Variants in PFKL observed in about 807,000 individuals in gnomAD.
PFKL encodes ATP-dependent 6-phosphofructokinase, liver type.
In PFKL, 74 loss-of-function variants were observed where a neutral mutation model predicts 92.1. The ratio of observed to expected loss-of-function variants is 0.80; its 90% CI spans 0.67 to 0.97. The LOEUF (loss-of-function observed/expected upper bound fraction) is 0.97, where lower values mean the gene tolerates loss of function less well. Among genes scored for constraint, PFKL ranks in the 50% least tolerant of loss-of-function variants. The pLI is 0.00. For missense variants in PFKL, 1,028 were observed against 1,116.6 expected, an observed-to-expected ratio of 0.92 and a Z score of 1.13; for synonymous variants, 494 against 456.4, an observed-to-expected ratio of 1.08 and a Z score of -1.05.
At chr21:44,304,668 G>A (rs1337809035) in intron 1 of PFKL, among the ~76,000 whole-genome samples, 1 of 148,486 alleles carries the variant, frequency 6.7e-6, no homozygotes, top group African/African-American at 2.5e-5. Context: ...GTTGTCGGGT[G>A]CTTGGGGTGG....
chr21:44,319,515 C>T (rs2047304725), intron 11 of PFKL, 100 bp downstream of exon 11: 1 of 1,008,922 alleles, frequency 9.9e-7, no homozygotes, highest in Admixed American at 1.8e-5. Context: ...CCTGGGTCAT[C>T]CTTCTAGGCA....
At chr21:44,308,559 AT>A (rs532812261) in intron 2 of PFKL, among the ~76,000 whole-genome samples, 1,785 of 133,598 alleles carry the variant, frequency 0.013, 23 homozygotes, top group African/African-American at 0.042. Flanking sequence ...GGGGGTAGGA[AT>A]TTTTTTTTTT....
At chr21:44,326,311 GC>G in intron 21 of PFKL, 47 bp downstream of exon 21, 1 of 1,405,916 alleles carries the variant, frequency 7.1e-7, no homozygotes, top group Non-Finnish European at 9.9e-7. Flanking sequence ...CTGAGGGGTG[GC>G]CCAGACCTTC....
chr21:44,324,480 T>G lies in PFKL; in HGVS notation c.1651-11T>G. 6.2e-7 allele frequency: 1 copy of G among 1,612,592 alleles called. No individual in the cohort carries two copies. Among genetic ancestry groups the G allele is most frequent in the Non-Finnish European group, 8.5e-7 (1 of 1,179,536 alleles). ...CACGTGGAGGACCCCCGACCCCCCC[T>G]TGTCCCCCAGAGCTGTGACCGCATC... On this transcript the variant is annotated splice_polypyrimidine_tract_variant and intron_variant, in intron 16 of 21. Coordinates refer to ENST00000349048, the MANE Select transcript of PFKL (RefSeq NM_002626.6).
At chr21:44,325,343 C>T in intron 19 of PFKL, 79 bp downstream of exon 19, 1 of 1,000,840 alleles carries the variant, frequency 1.0e-6, no homozygotes, top group South Asian at 1.3e-5. Context: ...GGGGTCCCAG[C>T]CCTCACGGGC....
At chr21:44,306,190 G>C (rs115172799) in intron 1 of PFKL, among the ~76,000 whole-genome samples, 12,980 of 152,282 alleles carry the variant, frequency 0.085, 589 homozygotes, top group African/African-American at 0.11. Flanking sequence ...CCTGCTCTGT[G>C]GTCAAGGCCT....
chr21:44,322,848 C>T (rs942930461), intron 14 of PFKL, 114 bp from the exon 15 acceptor site: 8 of 667,756 alleles, frequency 1.2e-5, no homozygotes, highest in African/African-American at 1.1e-4. Context: ...GGCATTGCAG[C>T]GACTGCTGAC....
At chr21:44,326,534 G>T (rs923686371) in intron 21 of PFKL, among the ~76,000 whole-genome samples, 181 bp from the exon 22 acceptor site, 1 of 151,982 alleles carries the variant, frequency 6.6e-6, no homozygotes, top group South Asian at 2.1e-4. Context: ...GGCTGACTCT[G>T]TGCTGTGCCT....
chr21:44,305,863 C>G (rs118169148), intron 1 of PFKL: 1 of 1,366,070 alleles, frequency 7.3e-7, no homozygotes, highest in Non-Finnish European at 9.8e-7. Context: ...TCCTGGGAGC[C>G]GAGGGCAAGG....
Position 44,322,955 on chromosome 21 carries a change from A to C in PFKL, c.1410-7A>C, listed in dbSNP as rs2047396010. On this transcript the variant is annotated splice_region_variant and splice_polypyrimidine_tract_variant and intron_variant, in intron 14 of 21. Coordinates refer to ENST00000349048, the MANE Select transcript of PFKL (RefSeq NM_002626.6). The stretch of plus-strand genomic sequence containing the variant: ...GCGTGTTCATGCGGATGTGTCTTTG[A>C]CTGCAGGACCCTGCCCAAGGGCCAG... The C allele has an allele frequency of 6.2e-7, 1 of 1,604,198 alleles. No homozygotes were observed. Among genetic ancestry groups the C allele is most frequent in the East Asian group, 2.2e-5 (1 of 44,494 alleles).
chr21:44,309,113 G>A (rs2041040297), intron 2 of PFKL, among the ~76,000 whole-genome samples: 1 of 150,852 alleles, frequency 6.6e-6, no homozygotes, highest in Admixed American at 6.6e-5. Flanking sequence ...AGAAGGGGGA[G>A]GTCAGGGAGA....
At chr21:44,325,665 G>T in intron 19 of PFKL, 1 of 511,614 alleles carries the variant, frequency 2.0e-6, no homozygotes. Context: ...GGGGCCCGAG[G>T]TGATGGGGCC....
chr21:44,324,556 G>T lies in PFKL; in HGVS notation c.1716G>T (p.Met572Ile). The change falls in exon 17 of 22, where the codon ATG (methionine) becomes ATT (isoleucine). Residue 572 changes from methionine (M) to isoleucine (I), a missense_variant. By Grantham distance (10) the Met-to-Ile change is conservative (BLOSUM62 1). Coordinates refer to ENST00000349048, the MANE Select transcript of PFKL (RefSeq NM_002626.6). ...TKRRVFIVET[M>I]GGYCGYLATV... Reference sequence around the variant, plus strand: ...GCCGTGTGTTCATCGTGGAGACCATGGGGGGTTACTGTGGCTACCTGGCCA... The same window carrying T: ...GCCGTGTGTTCATCGTGGAGACCATTGGGGGTTACTGTGGCTACCTGGCCA... The T allele has an allele frequency of 6.2e-7, 1 of 1,613,458 alleles. No homozygotes were observed. Among genetic ancestry groups the T allele is most frequent in the Non-Finnish European group, 8.5e-7 (1 of 1,179,874 alleles).
At position 44,303,441 on chromosome 21, in the gene PFKL, A is replaced by AAAAAAAGACTTGGTCG. The variant is rs1555874959; in HGVS notation, c.86-3234_86-3233insGACTTGGTCGAAAAAA. ...AAAAAAACAGACTTGACCAAAAAAA[A>AAAAAAAGACTTGGTCG]AAAAAAAAAAAAAATGGCCCGGCCT... is the stretch of plus-strand genomic sequence containing the variant. On this transcript the variant is annotated intron_variant, in intron 1 of 21. Coordinates refer to ENST00000349048, the MANE Select transcript of PFKL (RefSeq NM_002626.6). Among the ~76,000 whole-genome samples, 3 of 97,096 alleles carry AAAAAAAGACTTGGTCG rather than the reference A, an allele frequency of 3.1e-5. No homozygotes were observed. The Admixed American group carries it at 3.4e-4, about 11-fold the overall frequency. 63.7% of individuals were successfully genotyped at this position (97,096 alleles called of 152,430 possible).
At chr21:44,319,687 G>A (rs1397791339) in intron 11 of PFKL, 3 of 560,988 alleles carry the variant, frequency 5.3e-6, no homozygotes, top group Non-Finnish European at 9.6e-6. Context: ...ACAAGCCCAG[G>A]ACATGGGGTG....
rs77632771 is a variant in PFKL at position 44,306,106 on chromosome 21, G to C, written c.86-575G>C. ...TGCTCCCCGGCTTCTCCATCCCCAC[G>C]CCGCAGCCTGAATGTCTGGGGTGGG... On this transcript the variant is annotated intron_variant, in intron 1 of 21. Coordinates refer to ENST00000349048, the MANE Select transcript of PFKL (RefSeq NM_002626.6). 2.2e-3 allele frequency among the ~76,000 whole-genome samples: 337 copies of C among 151,238 alleles called. 1 individual carries two copies. The highest frequency in any genetic ancestry group is 5.9e-3 in the East Asian group (30 of 5,112).
intron 11 of PFKL, chr21:44,319,804 C>T (rs1427644614): frequency 2.5e-5 from 13 of 510,828 alleles, no homozygotes; most frequent in African/African-American, 3.9e-5. Flanking sequence ...GGTTCCCATG[C>T]GTGCCTCCAC....
Position 44,303,086 on chromosome 21 carries a change from T to C in PFKL, c.85+2896T>C, listed in dbSNP as rs570040226. 2.6e-5 allele frequency among the ~76,000 whole-genome samples: 4 copies of C among 151,896 alleles called. No individual in the cohort carries two copies. In the South Asian group the frequency reaches 8.3e-4, roughly 32 times the overall value. On this transcript the variant is annotated intron_variant, in intron 1 of 21. Coordinates refer to ENST00000349048, the MANE Select transcript of PFKL (RefSeq NM_002626.6). ...CGTCTCTACTAAAAATACAAAAAAT[T>C]AGCTGGGCATGGTGGTGCGCATCTG... is the stretch of plus-strand genomic sequence containing the variant.
intron 1 of PFKL, among the ~76,000 whole-genome samples, chr21:44,300,890 G>C (rs1216750104): frequency 1.3e-5 from 2 of 152,210 alleles, no homozygotes; most frequent in Non-Finnish European, 2.9e-5. Flanking sequence ...CCTGCCCACT[G>C]CCGGCCTCCA....
Sources: gnomAD v4.1 joint callset for allele counts (sites outside exome capture counted in the v4.1 genomes callset) on GRCh38, gnomAD v4.1.1 for gene constraint, MANE v1.5 for transcripts, NCBI Gene and HGNC (gene_info 2026-07-23, HGNC 2026-07-21) for gene names.